The following PPP2R5C variants were observed in gnomAD, a reference collection of about 807,000 sequenced individuals.
PPP2R5C encodes serine/threonine-protein phosphatase 2A 56 kDa regulatory subunit gamma isoform.
PPP2R5C carries 7 observed loss-of-function variants against 68.9 expected under a neutral mutation model. That is an observed-to-expected ratio of 0.10 (90% CI 0.06 to 0.19). The LOEUF (loss-of-function observed/expected upper bound fraction) is 0.19, where lower values mean the gene tolerates loss of function less well. PPP2R5C is among the 10% of genes least tolerant of loss of function. PPP2R5C has a pLI of 1.00. For synonymous variants in PPP2R5C, 210 were observed against 222.2 expected, an observed-to-expected ratio of 0.95 and a Z score of 0.49; for missense variants, 348 against 641.3, an observed-to-expected ratio of 0.54 and a Z score of 4.94.
intron 8 of PPP2R5C, among the ~76,000 whole-genome samples, chr14:101,895,332 A>G (rs1294414038): frequency 6.6e-6 from 1 of 152,214 alleles, no homozygotes; most frequent in Non-Finnish European, 1.5e-5. Context: ...TACATATAAC[A>G]TAAAATTTGT....
intron 2 of PPP2R5C, among the ~76,000 whole-genome samples, chr14:101,776,580 G>A (rs569351583): frequency 1.3e-5 from 2 of 152,174 alleles, no homozygotes; most frequent in South Asian, 2.1e-4. Flanking sequence ...GGCCCTTGCT[G>A]TTCTCACCAT....
In PPP2R5C at chr14:101,913,595, A is replaced by G. The variant is rs562011503; in HGVS notation, c.1326+1122A>G. 1.1e-4 allele frequency among the ~76,000 whole-genome samples: 16 copies of G among 152,354 alleles called. No homozygotes were observed. Among genetic ancestry groups the G allele is most frequent in the African/African-American group, 3.8e-4 (16 of 41,590 alleles). ...TTTTAAGATTACTGTCTAAAACTGT[A>G]TAATCCTTAATTGAGGTAGGTAGCT... On this transcript the variant is annotated intron_variant, in intron 12 of 13. Transcript: ENST00000334743. The surrounding 1 kb of genome is among the most constrained non-coding windows in gnomAD (Gnocchi z 4.1).
chr14:101,871,437 T>C (rs967004833), intron 2 of PPP2R5C, among the ~76,000 whole-genome samples: 1 of 151,990 alleles, frequency 6.6e-6, no homozygotes, highest in Non-Finnish European at 1.5e-5. Context: ...GAGACGGGGT[T>C]TCTCACCATG....
At chr14:101,779,030 A>T (rs1414831778) in intron 2 of PPP2R5C, among the ~76,000 whole-genome samples, 2 of 152,216 alleles carry the variant, frequency 1.3e-5, no homozygotes, top group African/African-American at 4.8e-5. Context: ...ATTGCACTCC[A>T]GCCTGAGTGA....
intron 3 of PPP2R5C, among the ~76,000 whole-genome samples, chr14:101,787,766 CAAAA>C (rs756927904): frequency 2.9e-5 from 2 of 69,280 alleles, no homozygotes; most frequent in African/African-American, 4.9e-5. Flanking sequence ...GACTCCATCT[CAAAA>C]AAAAAAAAAA....
chr14:101,824,211 A>G, intron 1 of PPP2R5C: 1 of 1,200,638 alleles, frequency 8.3e-7, no homozygotes, highest in Non-Finnish European at 1.1e-6. Flanking sequence ...TTAATGAGTA[A>G]TTCTTAGGAT....
intron 13 of PPP2R5C, among the ~76,000 whole-genome samples, chr14:101,924,758 G>C (rs2047207370): frequency 6.6e-6 from 1 of 152,002 alleles, no homozygotes; most frequent in Admixed American, 6.6e-5. Context: ...TCTGCTTCTT[G>C]AAATGCTTCT....
chr14:101,910,721 G>A (rs977748146), intron 11 of PPP2R5C, among the ~76,000 whole-genome samples: 17 of 148,726 alleles, frequency 1.1e-4, no homozygotes, highest in African/African-American at 3.7e-4. Flanking sequence ...TAATCCCAGC[G>A]CTTTGGGAGG....
intron 13 of PPP2R5C, among the ~76,000 whole-genome samples, chr14:101,919,922 T>C (rs1275381677): frequency 7.7e-6 from 1 of 130,300 alleles, no homozygotes; most frequent in Non-Finnish European, 1.5e-5. Context: ...TGAGCCAAGA[T>C]GGTGCCACTG....
chr14:101,857,604 T>G (rs1363580094), intron 2 of PPP2R5C, among the ~76,000 whole-genome samples: 2 of 152,252 alleles, frequency 1.3e-5, no homozygotes, highest in African/African-American at 2.4e-5. Context: ...TCCTCTGAAG[T>G]GTCAAACTTT....
intron 13 of PPP2R5C, among the ~76,000 whole-genome samples, chr14:101,924,758 GA>G (rs1171676549): frequency 6.6e-6 from 1 of 152,002 alleles, no homozygotes; most frequent in African/African-American, 2.4e-5. Context: ...TCTGCTTCTT[GA>G]AATGCTTCTG....
intron 10 of PPP2R5C, among the ~76,000 whole-genome samples, chr14:101,907,713 G>A (rs1252887975): frequency 6.6e-6 from 1 of 152,148 alleles, no homozygotes; most frequent in African/African-American, 2.4e-5. Flanking sequence ...ACTCTGGCCC[G>A]GTGCGGTCTC....
Position 101,924,445 on chromosome 14 carries a change from C to CTTTTTTTTTTTTTTTTTTTTTTTTT in PPP2R5C, c.1444-684_1444-683insTTTTTTTTTTTTTTTTTTTTTTTTT, listed in dbSNP as rs11325673. 1.0e-3 allele frequency among the ~76,000 whole-genome samples: 87 copies of CTTTTTTTTTTTTTTTTTTTTTTTTT among 84,472 alleles called. 15 individuals carry two copies. Among genetic ancestry groups the CTTTTTTTTTTTTTTTTTTTTTTTTT allele is most frequent in the South Asian group, 1.8e-3 (4 of 2,238 alleles). The allele number at this position is 84,472 out of a possible 152,430, so 55.4% of individuals were successfully genotyped here. ...TTTACCTCCAAGGAAATTTCTACAT[C>CTTTTTTTTTTTTTTTTTTTTTTTTT]TTTTTTTTTTTTGAGATGGAGTCTG... On this transcript the variant is annotated intron_variant, in intron 13 of 13. Transcript: ENST00000334743.
At chr14:101,822,673 T>G (rs528072556) in intron 1 of PPP2R5C, among the ~76,000 whole-genome samples, 1 of 152,346 alleles carries the variant, frequency 6.6e-6, no homozygotes, top group African/African-American at 2.4e-5. Flanking sequence ...AAACTGGCCT[T>G]TTGAAGACAT....
At chr14:101,785,437 T>G (rs1472709706) in intron 2 of PPP2R5C, among the ~76,000 whole-genome samples, 2 of 152,198 alleles carry the variant, frequency 1.3e-5, no homozygotes, top group Non-Finnish European at 2.9e-5. Flanking sequence ...CTTTCCCACC[T>G]TCTAGAGGCC....
chr14:101,834,591 C>T (rs2040964111), intron 1 of PPP2R5C, among the ~76,000 whole-genome samples: 1 of 152,188 alleles, frequency 6.6e-6, no homozygotes, highest in Non-Finnish European at 1.5e-5. Flanking sequence ...GCGTTGCCAG[C>T]CCTGGCCTCC....
intron 2 of PPP2R5C, among the ~76,000 whole-genome samples, chr14:101,866,158 G>A (rs1004275377): frequency 1.6e-4 from 24 of 152,298 alleles, no homozygotes; most frequent in African/African-American, 5.3e-4. Flanking sequence ...GCCTCCCAGA[G>A]TACTGGGATA....
chr14:101,836,249 C>T (rs1198451892), intron 1 of PPP2R5C: 1 of 702,810 alleles, frequency 1.4e-6, no homozygotes, highest in Admixed American at 2.0e-5. Flanking sequence ...GCCTACGGAG[C>T]AGCAGGGAGA....
At chr14:101,770,596 G>C (rs1185057645) in intron 2 of PPP2R5C, among the ~76,000 whole-genome samples, 1 of 152,194 alleles carries the variant, frequency 6.6e-6, no homozygotes, top group Non-Finnish European at 1.5e-5. Context: ...TTGGACCCTA[G>C]GGTGTGTATC....
Sources: gnomAD v4.1 joint callset for allele counts (sites outside exome capture counted in the v4.1 genomes callset) on GRCh38, gnomAD v4.1.1 for gene constraint, Gnocchi (gnomAD v3.1) non-coding constraint, MANE v1.5 for transcripts, NCBI Gene and HGNC (gene_info 2026-07-23, HGNC 2026-07-21) for gene names.